EZH2: variants seen among roughly 807,000 people sequenced by gnomAD.
EZH2 encodes enhancer of zeste 2 polycomb repressive complex 2 subunit, also known as histone-lysine N-methyltransferase EZH2.
Under a neutral mutation model 98.4 loss-of-function variants are expected in EZH2, and 18 were observed. The ratio of observed to expected loss-of-function variants is 0.18; its 90% CI spans 0.13 to 0.27. The LOEUF (loss-of-function observed/expected upper bound fraction) is 0.27. Among genes scored for constraint, EZH2 ranks in the 10% least tolerant of loss-of-function variants. EZH2 has a pLI of 1.00. For synonymous variants in EZH2, 338 were observed against 312.3 expected, an observed-to-expected ratio of 1.08 and a Z score of -0.87; for missense variants, 470 against 935.1, an observed-to-expected ratio of 0.50 and a Z score of 6.49.
intron 1 of EZH2, among the ~76,000 whole-genome samples, chr7:148,878,093 G>A (rs756403495): frequency 6.6e-6 from 1 of 152,032 alleles, no homozygotes; most frequent in Non-Finnish European, 1.5e-5. Context: ...TATAGAGAGA[G>A]ATATATATAG....
At chr7:148,822,785 T>C (rs750418214) in intron 8 of EZH2, among the ~76,000 whole-genome samples, 13 of 151,504 alleles carry the variant, frequency 8.6e-5, no homozygotes, top group Non-Finnish European at 1.8e-4. Context: ...CTACTAAAAA[T>C]AAAAATATGA....
chr7:148,817,639 A>C (rs1804917672), intron 10 of EZH2: 2 of 667,582 alleles, frequency 3.0e-6, no homozygotes, highest in South Asian at 4.0e-5. Flanking sequence ...AATGGCACAA[A>C]GAATGAGAAT....
intron 19 of EZH2, among the ~76,000 whole-genome samples, chr7:148,808,772 GAGCATGC>G (rs1440111331): frequency 6.6e-6 from 1 of 152,048 alleles, no homozygotes; most frequent in Non-Finnish European, 1.5e-5. Flanking sequence ...CTCCACGAGT[GAGCATGC>G]AGCATGCGGC....
At chr7:148,850,385 A>T in intron 1 of EZH2, 1 of 509,228 alleles carries the variant, frequency 2.0e-6, no homozygotes, top group Non-Finnish European at 2.5e-6. Context: ...TTTATGTTTT[A>T]GTACTAGAAC....
intron 1 of EZH2, among the ~76,000 whole-genome samples, chr7:148,881,966 GCGCGCGCACACA>G (rs1472410676): frequency 2.1e-5 from 1 of 47,926 alleles, no homozygotes; most frequent in African/African-American, 1.5e-4. Flanking sequence ...ACACACACAC[GCGCGCGCACACA>G]CACACACACA....
At position 148,867,276 on chromosome 7, in the gene EZH2, A is replaced by C. The variant is rs184478081; in HGVS notation, c.-8+16888T>G. The stretch of plus-strand genomic sequence containing the variant: ...AGGAGGCGGAGGTTGCAGTGGGCCG[A>C]GATCGCACCATTGTAGTCCAGCCTG... On this transcript the variant is annotated intron_variant, in intron 1 of 19. Transcript: ENST00000320356. Among the ~76,000 whole-genome samples, 221 of 152,166 alleles carry C rather than the reference A, an allele frequency of 1.5e-3. 2 individuals are homozygous for C. The highest frequency in any genetic ancestry group is 5.2e-3 in the African/African-American group (215 of 41,546).
chr7:148,858,403 G>A (rs888450751), intron 1 of EZH2, among the ~76,000 whole-genome samples: 9 of 152,028 alleles, frequency 5.9e-5, no homozygotes, highest in African/African-American at 1.7e-4. Flanking sequence ...TGGCCCGACC[G>A]TAGCTCACTG....
chr7:148,828,850 A>G lies in EZH2; in HGVS notation c.515T>C (p.Val172Ala). The change falls in exon 6 of 20, where the codon GTG becomes GCG. Residue 172 changes from valine to alanine, a missense_variant. By Grantham distance (64) the Val-to-Ala change is moderately conservative. This residue lies in a region of EZH2 where 69 missense variants were observed against 78.3 expected (regional missense o/e 0.88). Coordinates refer to ENST00000320356, the MANE Select transcript of EZH2 (RefSeq NM_004456.5). ...ECGFINDEIF[V>A]ELVNALGQYN... ...TTGACCAAGGGCATTCACCAACTCC[A>G]CAAAAATTTCATCATTTATAAACCC... is the stretch of plus-strand genomic sequence containing the variant. The G allele has an allele frequency of 1.9e-6, 3 of 1,613,316 alleles. No homozygotes were observed. Among genetic ancestry groups the G allele is most frequent in the Non-Finnish European group, 1.7e-6 (2 of 1,179,686 alleles).
intron 10 of EZH2, 152 bp from the exon 11 acceptor site, chr7:148,817,543 A>G: frequency 1.4e-6 from 1 of 739,224 alleles, no homozygotes; most frequent in Non-Finnish European, 2.2e-6. Context: ...ACATTTTCCA[A>G]CAAAACTACT....
chr7:148,837,465 C>T (rs1811202248), intron 3 of EZH2, among the ~76,000 whole-genome samples: 1 of 152,158 alleles, frequency 6.6e-6, no homozygotes, highest in Admixed American at 6.5e-5. Context: ...CTATATTCTG[C>T]AGGACTTGAG....
At chr7:148,843,859 T>C (rs149551969) in intron 3 of EZH2, among the ~76,000 whole-genome samples, 3,603 of 152,028 alleles carry the variant, frequency 0.024, 137 homozygotes, top group African/African-American at 0.083. Flanking sequence ...CCTCCCAAAG[T>C]GCTGGGATTA....
At chr7:148,873,506 A>G (rs1819723247) in intron 1 of EZH2, among the ~76,000 whole-genome samples, 1 of 149,832 alleles carries the variant, frequency 6.7e-6, no homozygotes, top group Non-Finnish European at 1.5e-5. Flanking sequence ...AAAAAAAAAA[A>G]AAAAGAAAGA....
chr7:148,864,683 CAAAAAAA>C (rs200348491), intron 1 of EZH2, among the ~76,000 whole-genome samples: 1 of 81,482 alleles, frequency 1.2e-5, no homozygotes, highest in African/African-American at 4.2e-5. Flanking sequence ...GAGACTGTCT[CAAAAAAA>C]AAAAAAAAAG....
intron 1 of EZH2, among the ~76,000 whole-genome samples, chr7:148,855,933 C>T (rs1408337332): frequency 6.9e-6 from 1 of 144,112 alleles, no homozygotes; most frequent in Non-Finnish European, 1.5e-5. Flanking sequence ...TAGTGACTAT[C>T]AACTACATAA....
At chr7:148,811,415 T>C (rs1803054815) in intron 16 of EZH2, among the ~76,000 whole-genome samples, 1 of 152,168 alleles carries the variant, frequency 6.6e-6, no homozygotes, top group African/African-American at 2.4e-5. Flanking sequence ...CCTCCCAAAG[T>C]GCTGGGATTG....
chr7:148,828,917 G>A (rs2129476492), intron 5 of EZH2, 37 bp from the exon 6 acceptor site: 2 of 1,563,802 alleles, frequency 1.3e-6, no homozygotes, highest in Non-Finnish European at 1.7e-6. Flanking sequence ...CACAGGAGAA[G>A]CAATAATGTC....
chr7:148,832,519 T>A (rs1809681158), intron 4 of EZH2, 115 bp downstream of exon 4: 1 of 632,912 alleles, frequency 1.6e-6, no homozygotes, highest in African/African-American at 1.8e-5. Flanking sequence ...AGTGTTATTT[T>A]GATAGCTTTT....
Position 148,811,709 on chromosome 7 carries a change from C to G in EZH2, c.1863G>C (p.Leu621=), listed in dbSNP as rs2129469079. The G allele has an allele frequency of 6.2e-7, 1 of 1,612,210 alleles. No individual in the cohort carries two copies. The highest frequency in any genetic ancestry group is 8.5e-7 in the Non-Finnish European group (1 of 1,179,890). Residue 621 remains leucine, a synonymous_variant, in exon 16 of 20, where the codon CTG becomes CTC. Coordinates refer to ENST00000320356, the MANE Select transcript of EZH2 (RefSeq NM_004456.5). ...IQRGSKKHLL[L]APSDVAGWGI... Reference sequence around the variant, plus strand: ...CCCAGCCTGCCACGTCAGATGGTGCCAGCAATAGATGCTAGAGAATAAAAC... The same window carrying G: ...CCCAGCCTGCCACGTCAGATGGTGCGAGCAATAGATGCTAGAGAATAAAAC...
intron 4 of EZH2, among the ~76,000 whole-genome samples, chr7:148,832,270 C>T (rs1196144270): frequency 6.6e-6 from 1 of 152,088 alleles, no homozygotes; most frequent in Non-Finnish European, 1.5e-5. Context: ...GAGGACACAG[C>T]GTTTTGCCAT....
Sources: gnomAD v4.1 joint callset for allele counts (sites outside exome capture counted in the v4.1 genomes callset) on GRCh38, gnomAD v4.1.1 for gene constraint, gnomAD v4.1.1 regional missense constraint, MANE v1.5 for transcripts, NCBI Gene and HGNC (gene_info 2026-07-23, HGNC 2026-07-21) for gene names.